The following SLC24A2 variants were observed in gnomAD, a reference collection of about 807,000 sequenced individuals.
SLC24A2 encodes the protein sodium/potassium/calcium exchanger 2.
SLC24A2 carries 36 observed loss-of-function variants against 62.0 expected under a neutral mutation model. The ratio of observed to expected loss-of-function variants is 0.58; its 90% CI spans 0.44 to 0.77. The LOEUF (loss-of-function observed/expected upper bound fraction) is 0.77, where lower values mean the gene tolerates loss of function less well. Among genes scored for constraint, SLC24A2 ranks in the 30% least tolerant of loss-of-function variants. The probability of loss-of-function intolerance (pLI) is 0.00; values close to 1 mark genes in which losing one functional copy is unlikely to be tolerated. For synonymous variants in SLC24A2, 358 were observed against 294.0 expected, an observed-to-expected ratio of 1.22 and a Z score of -2.23; for missense variants, 846 against 817.9, an observed-to-expected ratio of 1.03 and a Z score of -0.42.
chr9:20,144,502 C>T, the SLC24A2 span, among the ~76,000 whole-genome samples: 1 of 152,162 alleles, frequency 6.6e-6, no homozygotes, highest in African/African-American at 2.4e-5. Flanking sequence ...CGTAAAGCCT[C>T]TCGGCACCCA....
chr9:20,000,970 A>G, the SLC24A2 span, among the ~76,000 whole-genome samples: 6 of 152,224 alleles, frequency 3.9e-5, no homozygotes. Context: ...AATGGATAGT[A>G]AGATGAATAT....
chr9:19,652,529 C>T (rs750292944), intron 2 of SLC24A2, among the ~76,000 whole-genome samples: 25 of 152,012 alleles, frequency 1.6e-4, no homozygotes, highest in African/African-American at 4.8e-4. Context: ...GGGAATGGGA[C>T]GCACACCAAG....
the SLC24A2 span, among the ~76,000 whole-genome samples, chr9:19,919,967 A>G: frequency 6.6e-6 from 1 of 152,144 alleles, no homozygotes; most frequent in African/African-American, 2.4e-5. Context: ...AGCCCAATAT[A>G]TTCAATATAT....
upstream of SLC24A2, chr9:19,789,042 C>A (rs1015797500): frequency 1.4e-6 from 1 of 726,568 alleles, no homozygotes; most frequent in Non-Finnish European, 1.7e-6. Flanking sequence ...GAGACTGAGC[C>A]GCTGTGAGCC....
At chr9:20,219,362 T>C in the SLC24A2 span, among the ~76,000 whole-genome samples, 3 of 152,160 alleles carry the variant, frequency 2.0e-5, no homozygotes, top group South Asian at 2.1e-4. Flanking sequence ...AGTGCTGGAG[T>C]TGGACACTGA....
intron 2 of SLC24A2, among the ~76,000 whole-genome samples, chr9:19,707,495 A>C (rs1004256340): frequency 6.6e-6 from 1 of 152,252 alleles, no homozygotes; most frequent in Non-Finnish European, 1.5e-5. Flanking sequence ...CGTTGATGCA[A>C]AAATCCTCAA....
At chr9:19,966,185 T>G in the SLC24A2 span, among the ~76,000 whole-genome samples, 2 of 152,318 alleles carry the variant, frequency 1.3e-5, no homozygotes, top group African/African-American at 4.8e-5. Flanking sequence ...TGGTAAATGT[T>G]CCAGTTCCAA....
the SLC24A2 span, among the ~76,000 whole-genome samples, chr9:20,175,613 G>GTGC: frequency 5.7e-3 from 870 of 152,082 alleles, 13 homozygotes; most frequent in African/African-American, 0.02. Context: ...AACCGTCAAA[G>GTGC]TGCTCTCTGT....
chr9:20,013,666 A>T, the SLC24A2 span, among the ~76,000 whole-genome samples: 1 of 152,242 alleles, frequency 6.6e-6, no homozygotes, highest in Non-Finnish European at 1.5e-5. Flanking sequence ...ATAAGAAAAC[A>T]GTTGAATATC....
At chr9:19,692,751 G>A (rs867050066) in intron 2 of SLC24A2, among the ~76,000 whole-genome samples, 4 of 152,068 alleles carry the variant, frequency 2.6e-5, no homozygotes, top group Non-Finnish European at 4.4e-5. Flanking sequence ...TTTGAGGGCA[G>A]GGACTTTATA....
At chr9:20,073,204 T>G in the SLC24A2 span, among the ~76,000 whole-genome samples, 3 of 152,156 alleles carry the variant, frequency 2.0e-5, no homozygotes, top group Non-Finnish European at 4.4e-5. Flanking sequence ...ATCTGTGGCT[T>G]AGGATTCTCT....
chr9:19,782,366 C>G (rs1587319916), intron 2 of SLC24A2, among the ~76,000 whole-genome samples: 1 of 152,130 alleles, frequency 6.6e-6, no homozygotes, highest in East Asian at 1.9e-4. Flanking sequence ...ACCCCAAAAG[C>G]AAAAGTCTCT....
chr9:19,532,902 C>T (rs1415839999), intron 8 of SLC24A2, among the ~76,000 whole-genome samples: 1 of 152,180 alleles, frequency 6.6e-6, no homozygotes, highest in Non-Finnish European at 1.5e-5. Flanking sequence ...GAGTATCTAT[C>T]TTAGTCATGA....
chr9:19,838,050 C>G, the SLC24A2 span, among the ~76,000 whole-genome samples: 2 of 150,820 alleles, frequency 1.3e-5, no homozygotes, highest in East Asian at 3.9e-4. Context: ...CCTTTCTTCA[C>G]AGAATTGGAA....
intron 5 of SLC24A2, among the ~76,000 whole-genome samples, chr9:19,581,327 G>T (rs993776019): frequency 6.6e-6 from 1 of 152,180 alleles, no homozygotes; most frequent in Non-Finnish European, 1.5e-5. Flanking sequence ...TTAAAATGGG[G>T]ACATGATGAT....
intron 7 of SLC24A2, among the ~76,000 whole-genome samples, chr9:19,567,715 G>C (rs189788383): frequency 1.2e-3 from 172 of 146,404 alleles, no homozygotes; most frequent in African/African-American, 4.0e-3. Flanking sequence ...AATTTGAGAA[G>C]GTTGATAAAT....
At chr9:19,821,788 C>T in the SLC24A2 span, among the ~76,000 whole-genome samples, 2 of 152,076 alleles carry the variant, frequency 1.3e-5, no homozygotes, top group African/African-American at 2.4e-5. Context: ...TTTGTAGATA[C>T]ATGTGTTGAA....
At chr9:20,299,330 G>C in the SLC24A2 span, among the ~76,000 whole-genome samples, 2 of 152,348 alleles carry the variant, frequency 1.3e-5, no homozygotes, top group South Asian at 4.1e-4. Context: ...ACATGAAGAA[G>C]GATAGAGCTC....
At chr9:19,891,841 A>G in the SLC24A2 span, among the ~76,000 whole-genome samples, 2 of 152,150 alleles carry the variant, frequency 1.3e-5, no homozygotes, top group African/African-American at 4.8e-5. Context: ...GATGGCACTA[A>G]ACCATGCATG....
Sources: allele counts gnomAD v4.1 joint callset (sites outside exome capture counted in the v4.1 genomes callset), GRCh38; gene constraint gnomAD v4.1.1; transcripts MANE v1.5; gene names NCBI Gene and HGNC (gene_info 2026-07-23, HGNC 2026-07-21).